SLC27A6: variants seen among roughly 807,000 people sequenced by gnomAD.
SLC27A6 encodes solute carrier family 27 member 6.
A neutral mutation model predicts 63.9 loss-of-function variants in SLC27A6; 74 were observed. That is an observed-to-expected ratio of 1.16 (90% CI 0.96 to 1.40). The LOEUF is 1.40. Among genes scored for constraint, SLC27A6 ranks in the 40% most tolerant of loss-of-function variants. The probability of loss-of-function intolerance (pLI) is 0.00; values close to 1 mark genes in which losing one functional copy is unlikely to be tolerated. For synonymous variants in SLC27A6, 287 were observed against 260.8 expected (o/e 1.10, Z -0.97); for missense variants, 794 against 732.9 (o/e 1.08, Z -0.96).
chr5:128,976,652 C>A (rs1257867547), intron 1 of SLC27A6, among the ~76,000 whole-genome samples: 1 of 151,862 alleles, frequency 6.6e-6, no homozygotes, highest in Admixed American at 6.6e-5. Flanking sequence ...TGATTGTTAA[C>A]AAGAACATTT....
intron 4 of SLC27A6, among the ~76,000 whole-genome samples, chr5:129,002,400 C>G (rs1751368232): frequency 6.6e-6 from 1 of 152,060 alleles, no homozygotes; most frequent in African/African-American, 2.4e-5. Context: ...AGAGCATGGG[C>G]TTTTGAGGCT....
Position 128,965,982 on chromosome 5 carries a change from C to T in SLC27A6, c.-156C>T. 1.3e-6 allele frequency: 1 copy of T among 774,422 alleles called. No individual in the cohort carries two copies. Among genetic ancestry groups the T allele is most frequent in the Non-Finnish European group, 1.9e-6 (1 of 530,626 alleles). The allele number at this position is 774,422 out of a possible 1,614,324, so 48.0% of individuals were successfully genotyped here. A position where few individuals can be genotyped will look rare whatever the true frequency, so the allele number is the denominator to read the frequency against. On this transcript the variant is annotated 5_prime_UTR_variant, in exon 1 of 10. Transcript: ENST00000262462. ...ACCTACGATTCTGTTTCTCAGGATT[C>T]CTCCCCATCCCGCTTCGCCCCGGAA...
At chr5:129,011,211 T>A (rs923616403) in intron 4 of SLC27A6, among the ~76,000 whole-genome samples, 1 of 152,180 alleles carries the variant, frequency 6.6e-6, no homozygotes, top group Non-Finnish European at 1.5e-5. Flanking sequence ...TCAGCATTAG[T>A]AGATATTGCT....
chr5:128,995,663 C>G (rs1751133542), intron 4 of SLC27A6, among the ~76,000 whole-genome samples: 1 of 152,062 alleles, frequency 6.6e-6, no homozygotes, highest in African/African-American at 2.4e-5. Context: ...GCCGTCATGA[C>G]AGAAGAAACT....
At chr5:129,017,052 C>G (rs1286417194) in intron 5 of SLC27A6, among the ~76,000 whole-genome samples, 1 of 152,120 alleles carries the variant, frequency 6.6e-6, no homozygotes, top group Non-Finnish European at 1.5e-5. Context: ...ACTGGTATAG[C>G]TGCAAGAGAA....
At chr5:129,007,817 C>G (rs1396307766) in intron 4 of SLC27A6, among the ~76,000 whole-genome samples, 1 of 151,998 alleles carries the variant, frequency 6.6e-6, no homozygotes, top group Non-Finnish European at 1.5e-5. Flanking sequence ...ATTCACTCTA[C>G]TATCTATAAT....
chr5:128,984,822 C>G (rs563607253), intron 1 of SLC27A6, among the ~76,000 whole-genome samples: 6 of 152,308 alleles, frequency 3.9e-5, no homozygotes, highest in African/African-American at 1.4e-4. Flanking sequence ...AATTTAGATT[C>G]AGACAGAGTT....
chr5:128,978,601 T>G (rs1378683060), intron 1 of SLC27A6, among the ~76,000 whole-genome samples: 1 of 152,188 alleles, frequency 6.6e-6, no homozygotes, highest in Non-Finnish European at 1.5e-5. Flanking sequence ...GTGCACATTA[T>G]CTGGCGTGGC....
At chr5:128,974,082 A>T (rs1487121159) in intron 1 of SLC27A6, among the ~76,000 whole-genome samples, 3 of 152,224 alleles carry the variant, frequency 2.0e-5, no homozygotes, top group Admixed American at 6.5e-5. Flanking sequence ...AAATGGAGAC[A>T]TTCCAAAGCC....
Position 129,028,433 on chromosome 5 carries a change from G to T in SLC27A6, c.1543G>T (p.Ala515Ser). The change falls in exon 8 of 10, where the codon GCT (alanine) becomes TCT (serine). Residue 515 changes from alanine (A) to serine (S), a missense_variant. Physicochemically the swap from Ala to Ser is moderately conservative, Grantham distance 99. Transcript: ENST00000262462. ...FIQEANVYGV[A>S]ISGYEGRAGM... ...ACAGGAAGCAAACGTCTATGGTGTG[G>T]CTATATCAGGTATAAATATATTTCA... 1.9e-6 allele frequency: 3 copies of T among 1,578,324 alleles called. No homozygotes were observed. The highest frequency in any genetic ancestry group is 2.6e-6 in the Non-Finnish European group (3 of 1,150,076).
intron 8 of SLC27A6, 35 bp from the exon 9 acceptor site, chr5:129,029,542 A>G (rs1450523338): frequency 1.4e-6 from 2 of 1,431,392 alleles, no homozygotes; most frequent in East Asian, 4.6e-5. Flanking sequence ...TTTATTTGGT[A>G]CTTAAAAATG....
At chr5:129,033,036 T>C (rs1405109372) in intron 9 of SLC27A6, 70 bp from the exon 10 acceptor site, 4 of 898,654 alleles carry the variant, frequency 4.5e-6, no homozygotes, top group Non-Finnish European at 6.4e-6. Context: ...TTACAGTCTA[T>C]AGTATTAACT....
intron 5 of SLC27A6, among the ~76,000 whole-genome samples, chr5:129,017,204 C>T (rs1751928317): frequency 6.6e-6 from 1 of 151,958 alleles, no homozygotes. Context: ...TAGGTAATTC[C>T]AACAAATTTC....
intron 6 of SLC27A6, among the ~76,000 whole-genome samples, chr5:129,025,759 G>A (rs1226213493): frequency 3.9e-5 from 6 of 152,098 alleles, no homozygotes; most frequent in Admixed American, 3.9e-4. Flanking sequence ...TCAGACTGCT[G>A]GGGCAGAGAA....
chr5:128,969,726 TC>T (rs1204477722), intron 1 of SLC27A6, among the ~76,000 whole-genome samples: 1 of 152,152 alleles, frequency 6.6e-6, no homozygotes, highest in Non-Finnish European at 1.5e-5. Flanking sequence ...CAATTTGACT[TC>T]CTCTTTTCCT....
intron 1 of SLC27A6, among the ~76,000 whole-genome samples, chr5:128,974,244 A>G (rs1485028337): frequency 1.3e-5 from 2 of 152,152 alleles, no homozygotes; most frequent in African/African-American, 4.8e-5. Flanking sequence ...CTTGCCAATA[A>G]CTAATTGCAT....
At chr5:129,013,093 T>C (rs1446091800) in intron 4 of SLC27A6, among the ~76,000 whole-genome samples, 1 of 151,994 alleles carries the variant, frequency 6.6e-6, no homozygotes, top group Non-Finnish European at 1.5e-5. Flanking sequence ...CATCCTTTTA[T>C]ATTTGTTTTA....
At chr5:129,030,248 T>C (rs1195774313) in intron 9 of SLC27A6, among the ~76,000 whole-genome samples, 8 of 152,040 alleles carry the variant, frequency 5.3e-5, no homozygotes, top group Non-Finnish European at 1.2e-4. Flanking sequence ...ATAAGTACAG[T>C]AAAAAGAAAA....
intron 1 of SLC27A6, among the ~76,000 whole-genome samples, chr5:128,970,750 C>A (rs888289963): frequency 1.3e-5 from 2 of 150,618 alleles, no homozygotes; most frequent in African/African-American, 4.9e-5. Context: ...TTTTATGTCT[C>A]TATCTCCTTC....
Sources: allele counts gnomAD v4.1 joint callset (sites outside exome capture counted in the v4.1 genomes callset), GRCh38; gene constraint gnomAD v4.1.1; transcripts MANE v1.5; gene names NCBI Gene and HGNC (gene_info 2026-07-23, HGNC 2026-07-21).